Variants in TMEM170A observed in about 807,000 individuals in gnomAD.
TMEM170A encodes the protein transmembrane protein 170.
In TMEM170A, 18 loss-of-function variants were observed where a neutral mutation model predicts 12.8. The observed-to-expected ratio is 1.41, with a 90% CI of 0.97 to 2.09. The LOEUF (loss-of-function observed/expected upper bound fraction) is 2.09. TMEM170A is among the 30% of genes most tolerant of loss of function. The probability of loss-of-function intolerance (pLI) is 0.00; values close to 1 mark genes in which losing one functional copy is unlikely to be tolerated. For synonymous variants in TMEM170A, 107 were observed against 76.2 expected (o/e 1.40, Z -2.11); for missense variants, 220 against 179.9 (o/e 1.22, Z -1.28).
intron 1 of TMEM170A, chr16:75,458,357 A>G (rs1008504444): frequency 3.3e-5 from 5 of 152,234 alleles, no homozygotes; most frequent in African/African-American, 1.2e-4. Flanking sequence ...ATTAACCCAC[A>G]TGGGAAAAGG....
Position 75,445,397 on chromosome 16 carries a change from C to A in TMEM170A, c.*2161G>T, listed in dbSNP as rs1185924373. On this transcript the variant is annotated 3_prime_UTR_variant, in exon 3 of 3. Transcript: ENST00000561878. ...TGGTCTCGGCTCACAGCAGCCTGAA[C>A]CTCCCAGGCACAAGTGATCCTCCCA... is the stretch of plus-strand genomic sequence containing the variant. 2 of 152,212 alleles carry A rather than the reference C, an allele frequency of 1.3e-5. No individual in the cohort carries two copies. Among genetic ancestry groups the A allele is most frequent in the Non-Finnish European group, 2.9e-5 (2 of 68,056 alleles). The allele number at this position is 152,212 out of a possible 1,614,324, so 9.4% of individuals were successfully genotyped here.
intron 2 of TMEM170A, among the ~76,000 whole-genome samples, chr16:75,450,565 A>G (rs1024042928): frequency 4.3e-4 from 65 of 152,350 alleles, no homozygotes; most frequent in African/African-American, 1.6e-3. Context: ...AAGCCTGAAA[A>G]TAATTCATAA....
intron 2 of TMEM170A, among the ~76,000 whole-genome samples, chr16:75,451,016 T>C (rs189383644): frequency 1.3e-5 from 2 of 151,886 alleles, no homozygotes; most frequent in Admixed American, 6.6e-5. Context: ...CACACCCACA[T>C]GAGTGGAAGT....
At chr16:75,450,800 A>C (rs2079667807) in intron 2 of TMEM170A, among the ~76,000 whole-genome samples, 1 of 152,144 alleles carries the variant, frequency 6.6e-6, no homozygotes, top group African/African-American at 2.4e-5. Context: ...TTGGAACCAC[A>C]GGTACACACC....
intron 1 of TMEM170A, 144 bp downstream of exon 1, chr16:75,464,324 G>T: frequency 7.0e-7 from 1 of 1,437,392 alleles, no homozygotes; most frequent in Non-Finnish European, 9.1e-7. Flanking sequence ...GGCTCCGGGC[G>T]AGCAGCACGG....
At chr16:75,455,927 C>T (rs1183312881) in intron 1 of TMEM170A, among the ~76,000 whole-genome samples, 3 of 152,204 alleles carry the variant, frequency 2.0e-5, no homozygotes, top group African/African-American at 4.8e-5. Context: ...AGAGGAGGAC[C>T]AGAAGCTTTA....
chr16:75,459,259 G>A lies in TMEM170A; in HGVS notation c.133+5209C>T, dbSNP rs555085771. ...TGCAGTGAAAGAACAGACACAGAGA[G>A]CAGAATCCTCTAGTGGATTCTGTAT... On this transcript the variant is annotated intron_variant, in intron 1 of 2. Coordinates refer to ENST00000561878, the MANE Select transcript of TMEM170A (RefSeq NM_145254.3). Among the ~76,000 whole-genome samples, 6 of 152,314 alleles carry A rather than the reference G, an allele frequency of 3.9e-5. No individual in the cohort carries two copies. The South Asian group carries it at 1.2e-3, about 32-fold the overall frequency.
intron 1 of TMEM170A, among the ~76,000 whole-genome samples, chr16:75,455,794 AG>A (rs1190928436): frequency 1.3e-5 from 2 of 152,220 alleles, no homozygotes; most frequent in Non-Finnish European, 2.9e-5. Flanking sequence ...AAACAAGGTA[AG>A]AAAAAACAAA....
At chr16:75,451,000 A>C (rs936000799) in intron 2 of TMEM170A, among the ~76,000 whole-genome samples, 2 of 152,198 alleles carry the variant, frequency 1.3e-5, no homozygotes, top group African/African-American at 2.4e-5. Flanking sequence ...CTATCTTTAC[A>C]GCAACCACAC....
rs1316141434 is a variant in TMEM170A, at chr16:75,444,979, T to C, written c.*2579A>G. 2 of 152,224 alleles carry C rather than the reference T, an allele frequency of 1.3e-5. No individual in the cohort carries two copies. Among genetic ancestry groups the C allele is most frequent in the Non-Finnish European group, 2.9e-5 (2 of 68,040 alleles). 9.4% of individuals were successfully genotyped at this position (152,224 alleles called of 1,614,324 possible). On this transcript the variant is annotated 3_prime_UTR_variant, in exon 3 of 3. Transcript: ENST00000561878. ...GAGGGGCCCACTAACTACTGGTCTA[T>C]ATGTTTAGTGTATGAAATTACATCC...
At chr16:75,459,102 C>G (rs1390224804) in intron 1 of TMEM170A, 1 of 152,244 alleles carries the variant, frequency 6.6e-6, no homozygotes, top group East Asian at 1.9e-4. Flanking sequence ...CCATATTGGC[C>G]AGGCTGGTCT....
At chr16:75,457,621 T>C (rs2079822881) in intron 1 of TMEM170A, among the ~76,000 whole-genome samples, 1 of 152,192 alleles carries the variant, frequency 6.6e-6, no homozygotes, top group Admixed American at 6.5e-5. Flanking sequence ...TGGCGGCCCA[T>C]GCTGAGACAA....
chr16:75,447,463 C>A lies in TMEM170A; in HGVS notation c.*95G>T. ...TGTTCCTGTTCATCCAAGTTGCTTCCCTTTGAAGAACTAAGAAAACACTAC... is the reference window on the plus strand; with the variant it reads ...TGTTCCTGTTCATCCAAGTTGCTTCACTTTGAAGAACTAAGAAAACACTAC... On this transcript the variant is annotated 3_prime_UTR_variant, in exon 3 of 3. Transcript: ENST00000561878. 1 of 1,342,176 alleles carries A rather than the reference C, an allele frequency of 7.5e-7. No homozygotes were observed. 83.1% of individuals were successfully genotyped at this position (1,342,176 alleles called of 1,614,324 possible).
At chr16:75,459,546 C>A (rs1000098741) in intron 1 of TMEM170A, among the ~76,000 whole-genome samples, 3 of 152,130 alleles carry the variant, frequency 2.0e-5, no homozygotes, top group Admixed American at 2.0e-4. Context: ...CATGAGTCCT[C>A]CTGGGGATTA....
At chr16:75,464,287 G>A (rs1338352854) in intron 1 of TMEM170A, 181 bp downstream of exon 1, 1 of 1,488,244 alleles carries the variant, frequency 6.7e-7, no homozygotes, top group African/African-American at 1.5e-5. Context: ...CCGCCTCAGG[G>A]ACCGCCGAAG....
At chr16:75,451,916 C>T in intron 1 of TMEM170A, 77 bp from the exon 2 acceptor site, 1 of 1,255,214 alleles carries the variant, frequency 8.0e-7, no homozygotes, top group South Asian at 1.5e-5. Context: ...CTCATCATAC[C>T]CGTCATTTCA....
intron 1 of TMEM170A, among the ~76,000 whole-genome samples, chr16:75,457,258 T>C (rs1409832825): frequency 6.6e-6 from 1 of 152,212 alleles, no homozygotes; most frequent in African/African-American, 2.4e-5. Context: ...GGCCTTGAAC[T>C]GGGAGGCAAA....
chr16:75,461,200 T>C (rs2079900685), intron 1 of TMEM170A, among the ~76,000 whole-genome samples: 1 of 151,568 alleles, frequency 6.6e-6, no homozygotes, highest in Non-Finnish European at 1.5e-5. Flanking sequence ...ATTACAGGCA[T>C]GCACCACCAC....
intron 1 of TMEM170A, among the ~76,000 whole-genome samples, chr16:75,460,716 G>A (rs1250101184): frequency 1.3e-5 from 2 of 152,166 alleles, no homozygotes; most frequent in East Asian, 3.8e-4. Flanking sequence ...CACGTGGGAA[G>A]GGGCTTTGCT....
Sources: allele counts gnomAD v4.1 joint callset (sites outside exome capture counted in the v4.1 genomes callset), GRCh38; gene constraint gnomAD v4.1.1; transcripts MANE v1.5; gene names NCBI Gene and HGNC (gene_info 2026-07-23, HGNC 2026-07-21).